Variants in PCDHGC4 observed in about 807,000 individuals in gnomAD.
PCDHGC4 encodes the protein protocadherin gamma-C4.
In PCDHGC4, 15 loss-of-function variants were observed where a neutral mutation model predicts 59.7. That is an observed-to-expected ratio of 0.25 (90% CI 0.17 to 0.39). The LOEUF (loss-of-function observed/expected upper bound fraction) is 0.39, where lower values mean the gene tolerates loss of function less well. Ranked by LOEUF, PCDHGC4 falls within the 10% of genes least tolerant of loss-of-function variation. The pLI is 1.00. For synonymous variants in PCDHGC4, 434 were observed against 481.4 expected (o/e 0.90, Z 1.29); for missense variants, 1,016 against 1,189.5 (o/e 0.85, Z 2.15).
chr5:141,485,858 C>A lies in PCDHGC4; in HGVS notation c.685C>A (p.Arg229=), dbSNP rs1431906047. 8.1e-6 allele frequency: 13 copies of A among 1,614,162 alleles called. No individual in the cohort carries two copies. The South Asian group carries it at 1.4e-4, about 18-fold the overall frequency. ...GCCGAGATCTGGCACCGCAGAGCTC[C>A]GGGTATCCGTGCTGGACGTAAACGA... The part of the protein sequence containing the change: ...NPPRSGTAEL[R]VSVLDVNDNA... The change falls in exon 1 of 4, where the codon CGG becomes AGG. Residue 229 remains arginine, a synonymous_variant. Coordinates refer to ENST00000306593, the MANE Select transcript of PCDHGC4 (RefSeq NM_018928.3). This position sits in a 1 kb window ranked among gnomAD's most constrained non-coding sequence, Gnocchi z 5.7.
At chr5:141,494,938 G>A in intron 2 of PCDHGC4, 73 bp downstream of exon 2, 1 of 1,611,916 alleles carries the variant, frequency 6.2e-7, no homozygotes, top group South Asian at 1.1e-5. Context: ...AGGAGATGGG[G>A]GAGGGCCCAG....
Position 141,487,243 on chromosome 5 carries a change from C to T in PCDHGC4, c.2070C>T (p.Thr690=). 1 of 1,614,114 alleles carries T rather than the reference C, an allele frequency of 6.2e-7. No individual in the cohort carries two copies. The highest frequency in any genetic ancestry group is 8.5e-7 in the Non-Finnish European group (1 of 1,180,000). Reference sequence around the variant, plus strand: ...CAAGGGAAGGAGAATCTCGTCTAACCCTCTACTTGGCTGTGTCCCTAGTGG... The same window carrying T: ...CAAGGGAAGGAGAATCTCGTCTAACTCTCTACTTGGCTGTGTCCCTAGTGG... ...SAPREGESRL[T]LYLAVSLVAI... The change falls in exon 1 of 4, where the codon ACC becomes ACT. Residue 690 remains threonine, a synonymous_variant. Coordinates refer to ENST00000306593, the MANE Select transcript of PCDHGC4 (RefSeq NM_018928.3). The surrounding 1 kb of genome is among the most constrained non-coding windows in gnomAD (Gnocchi z 5.0).
intron 3 of PCDHGC4, among the ~76,000 whole-genome samples, chr5:141,506,045 C>G (rs1379226123): frequency 6.6e-6 from 1 of 152,078 alleles, no homozygotes; most frequent in Non-Finnish European, 1.5e-5. Flanking sequence ...TCTGGTTTTC[C>G]CATAAGGTTG....
chr5:141,509,157 C>T lies in PCDHGC4; in HGVS notation c.2591-1790C>T, dbSNP rs369133984. Among the ~76,000 whole-genome samples the T allele has an allele frequency of 2.6e-4, 40 of 152,314 alleles. No individual in the cohort carries two copies. In the South Asian group the frequency reaches 7.0e-3, roughly 27 times the overall value. On this transcript the variant is annotated intron_variant, in intron 3 of 3. Transcript: ENST00000306593. The stretch of plus-strand genomic sequence containing the variant: ...GAGGCGCATCCCGGCTCTCCCCTCC[C>T]GTGTGCCCTCCTCCTCTTATGCCGG...
Position 141,489,880 on chromosome 5 carries a change from G to A in PCDHGC4, c.2442+2265G>A. On this transcript the variant is annotated intron_variant, in intron 1 of 3. Transcript: ENST00000306593. The surrounding 1 kb of genome is among the most constrained non-coding windows in gnomAD (Gnocchi z 4.5). Reference sequence around the variant, plus strand: ...GGCAAGACATCAGCTGGTGCTTACTGCTGTGGATGGGGGGACCCCAGCCCG... The same window carrying A: ...GGCAAGACATCAGCTGGTGCTTACTACTGTGGATGGGGGGACCCCAGCCCG... 2 of 1,614,230 alleles carry A rather than the reference G, an allele frequency of 1.2e-6. No individual in the cohort carries two copies. The highest frequency in any genetic ancestry group is 1.7e-6 in the Non-Finnish European group (2 of 1,180,026).
In PCDHGC4 at chr5:141,490,540, C is replaced by T; in HGVS notation, c.2442+2925C>T. The T allele has an allele frequency of 6.2e-7, 1 of 1,614,148 alleles. No homozygotes were observed. Among genetic ancestry groups the T allele is most frequent in the Non-Finnish European group, 8.5e-7 (1 of 1,180,024 alleles). ...GGCCAGCGATGCTGGTTCACCTTCC[C>T]TACACAAACATCTCACCATCAGGCT... On this transcript the variant is annotated intron_variant, in intron 1 of 3. Coordinates refer to ENST00000306593, the MANE Select transcript of PCDHGC4 (RefSeq NM_018928.3). This position sits in a 1 kb window ranked among gnomAD's most constrained non-coding sequence, Gnocchi z 5.4.
intron 2 of PCDHGC4, among the ~76,000 whole-genome samples, chr5:141,498,963 GGGAGGGAGGGAAGGAAGGAA>G (rs1472475865): frequency 5.7e-4 from 74 of 129,970 alleles, no homozygotes; most frequent in Non-Finnish European, 2.6e-4. Flanking sequence ...GAGAGAGGGA[GGGAGGGAGGGAAGGAAGGAA>G]GGAAGGAAGG....
intron 3 of PCDHGC4, among the ~76,000 whole-genome samples, chr5:141,510,691 T>C (rs1013489554): frequency 4.6e-5 from 7 of 152,138 alleles, no homozygotes; most frequent in African/African-American, 1.7e-4. Flanking sequence ...GGAGGTTAGG[T>C]AGACTTGCCC....
chr5:141,508,599 G>T lies in PCDHGC4; in HGVS notation c.2591-2348G>T, dbSNP rs948748985. On this transcript the variant is annotated intron_variant, in intron 3 of 3. Coordinates refer to ENST00000306593, the MANE Select transcript of PCDHGC4 (RefSeq NM_018928.3). ...CTCGGGGTGCTACTCAGAGATCTTGGGTGCACATAGGACGTGGGTGGGCCG... is the reference window on the plus strand; with the variant it reads ...CTCGGGGTGCTACTCAGAGATCTTGTGTGCACATAGGACGTGGGTGGGCCG... Among the ~76,000 whole-genome samples the T allele has an allele frequency of 3.9e-5, 6 of 152,212 alleles. No individual in the cohort carries two copies. The South Asian group carries it at 1.2e-3, about 32-fold the overall frequency.
chr5:141,499,677 T>C (rs2099793326), intron 2 of PCDHGC4, among the ~76,000 whole-genome samples: 1 of 151,690 alleles, frequency 6.6e-6, no homozygotes, highest in African/African-American at 2.4e-5. Flanking sequence ...CTCCACCATC[T>C]TTAACAGATG....
chr5:141,506,165 C>T (rs1359711670), intron 3 of PCDHGC4, among the ~76,000 whole-genome samples: 8 of 152,038 alleles, frequency 5.3e-5, no homozygotes, highest in South Asian at 2.1e-4. Context: ...AAGAGCACAG[C>T]CTAAGCTGGG....
At chr5:141,510,845 C>T (rs2099883036) in intron 3 of PCDHGC4, 102 bp from the exon 4 acceptor site, 3 of 1,593,960 alleles carry the variant, frequency 1.9e-6, no homozygotes, top group Non-Finnish European at 2.6e-6. Context: ...TGGTCAAGGC[C>T]CAGGGTGCTG....
intron 2 of PCDHGC4, among the ~76,000 whole-genome samples, chr5:141,502,723 G>C (rs771399677): frequency 3.9e-5 from 6 of 152,124 alleles, no homozygotes; most frequent in Non-Finnish European, 8.8e-5. Flanking sequence ...TGATTACAAA[G>C]CGGTGATGTT....
chr5:141,497,148 A>G (rs1436451953), intron 2 of PCDHGC4, among the ~76,000 whole-genome samples: 1 of 152,122 alleles, frequency 6.6e-6, no homozygotes, highest in Non-Finnish European at 1.5e-5. Context: ...ATCACGAAAA[A>G]AAAATAATCT....
chr5:141,490,882 A>G lies in PCDHGC4; in HGVS notation c.2442+3267A>G, dbSNP rs758716907. ...CGGCTCTCCCCCATTGCATGCCAAC[A>G]CATCTCTGCATGTGTTTGTCCTAGA... On this transcript the variant is annotated intron_variant, in intron 1 of 3. Coordinates refer to ENST00000306593, the MANE Select transcript of PCDHGC4 (RefSeq NM_018928.3). This position sits in a 1 kb window ranked among gnomAD's most constrained non-coding sequence, Gnocchi z 5.4. 6.2e-7 allele frequency: 1 copy of G among 1,613,848 alleles called. No individual in the cohort carries two copies. Among genetic ancestry groups the G allele is most frequent in the Non-Finnish European group, 8.5e-7 (1 of 1,179,920 alleles).
rs558609501 is a variant in PCDHGC4, at chr5:141,487,648, G to C, written c.2442+33G>C. On this transcript the variant is annotated intron_variant, in intron 1 of 3. Coordinates refer to ENST00000306593, the MANE Select transcript of PCDHGC4 (RefSeq NM_018928.3). This position sits in a 1 kb window ranked among gnomAD's most constrained non-coding sequence, Gnocchi z 5.0. ...CTTTGCAGGCTCAACAAATGCTTGA[G>C]GGTTATTCTGATCCAGGCATATGGC... is the stretch of plus-strand genomic sequence containing the variant. 34 of 1,613,904 alleles carry C rather than the reference G, an allele frequency of 2.1e-5. 1 individual carries two copies. The South Asian group carries it at 3.6e-4, about 17-fold the overall frequency.
At position 141,485,314 on chromosome 5, in the gene PCDHGC4, T is replaced by A. The variant is rs1292296791; in HGVS notation, c.141T>A (p.Asn47Lys). The A allele has an allele frequency of 1.2e-6, 2 of 1,614,150 alleles. No homozygotes were observed. The highest frequency in any genetic ancestry group is 1.7e-6 in the Non-Finnish European group (2 of 1,180,032). ...CACAGGAAGGGACTTTTGTAGGGAA[T>A]GTCGCTCAAGATTTCCTGCTGGATA... The part of the protein sequence containing the change: ...EESQEGTFVG[N>K]VAQDFLLDTD... Residue 47 changes from asparagine (N) to lysine (K), a missense_variant, in exon 1 of 4, where the codon AAT (asparagine) becomes AAA (lysine). Coordinates refer to ENST00000306593, the MANE Select transcript of PCDHGC4 (RefSeq NM_018928.3). This position sits in a 1 kb window ranked among gnomAD's most constrained non-coding sequence, Gnocchi z 5.7.
intron 2 of PCDHGC4, among the ~76,000 whole-genome samples, chr5:141,503,977 CCTT>C (rs1012021012): frequency 1.3e-5 from 2 of 152,250 alleles, no homozygotes; most frequent in Admixed American, 1.3e-4. Flanking sequence ...GGTGCCAAAC[CCTT>C]CTTCTTACCT....
intron 3 of PCDHGC4, 62 bp downstream of exon 3, chr5:141,505,543 C>T: frequency 6.2e-7 from 1 of 1,609,636 alleles, no homozygotes; most frequent in Non-Finnish European, 8.5e-7. Flanking sequence ...GTGCATCTCA[C>T]AGCCACCATG....
Sources: allele counts gnomAD v4.1 joint callset (sites outside exome capture counted in the v4.1 genomes callset), GRCh38; gene constraint gnomAD v4.1.1; non-coding constraint Gnocchi (gnomAD v3.1); transcripts MANE v1.5; gene names NCBI Gene and HGNC (gene_info 2026-07-23, HGNC 2026-07-21).